KAZN: variants seen among roughly 807,000 people sequenced by gnomAD.
KAZN encodes the protein kazrin.
Under a neutral mutation model 87.4 loss-of-function variants are expected in KAZN, and 40 were observed. The observed-to-expected ratio is 0.46, with a 90% confidence interval of 0.36 to 0.60. The LOEUF is 0.60. KAZN is among the 20% of genes least tolerant of loss of function. KAZN has a pLI of 0.00. For missense variants in KAZN, 898 were observed against 1,073.9 expected, an observed-to-expected ratio of 0.84 and a Z score of 2.29; for synonymous variants, 466 against 458.3, an observed-to-expected ratio of 1.02 and a Z score of -0.22.
chr1:15,092,836 T>C (rs891040918), intron 8 of KAZN, among the ~76,000 whole-genome samples: 1 of 152,166 alleles, frequency 6.6e-6, no homozygotes, highest in Admixed American at 6.5e-5. Context: ...ATTGAGTCTC[T>C]GTAACCTGAA....
At chr1:14,882,793 GA>G (rs1211823170) in intron 1 of KAZN, among the ~76,000 whole-genome samples, 1 of 152,080 alleles carries the variant, frequency 6.6e-6, no homozygotes, top group Non-Finnish European at 1.5e-5. Flanking sequence ...GCTGTTCTAA[GA>G]CCTTTCCATG....
At chr1:14,487,319 G>T (rs1314979065) in intron 2 of KAZN, among the ~76,000 whole-genome samples, 2 of 152,184 alleles carry the variant, frequency 1.3e-5, no homozygotes, top group Non-Finnish European at 2.9e-5. Flanking sequence ...CAATATGTAA[G>T]CATACTTTAT....
chr1:14,062,343 A>G (rs1400553667), intron 1 of KAZN, among the ~76,000 whole-genome samples: 2 of 152,178 alleles, frequency 1.3e-5, no homozygotes, highest in Admixed American at 6.5e-5. Context: ...AAGGCTTAAT[A>G]AGGAGAATCA....
rs70997121 is a variant in KAZN at position 14,205,884 on chromosome 1, C to CAAAAAAAAAAAAAAAAAAAAAAAAA, written c.249+25314_249+25315insAAAAAAAAAAAAAAAAAAAAAAAAA. Among the ~76,000 whole-genome samples, 6 of 35,214 alleles carry CAAAAAAAAAAAAAAAAAAAAAAAAA rather than the reference C, an allele frequency of 1.7e-4. 3 individuals carry two copies. Among genetic ancestry groups the CAAAAAAAAAAAAAAAAAAAAAAAAA allele is most frequent in the East Asian group, 1.9e-3 (2 of 1,070 alleles). The allele number at this position is 35,214 out of a possible 152,430, so 23.1% of individuals were successfully genotyped here. On this transcript the variant is annotated intron_variant, in intron 2 of 16. Coordinates refer to the KAZN transcript ENST00000636203. ...CAGGCGACAGAGCAAGACACTGTCT[C>CAAAAAAAAAAAAAAAAAAAAAAAAA]AAAAAAAAAAAAAAAAAAAAAAGCT...
chr1:14,938,327 A>G (rs770498772), intron 1 of KAZN, among the ~76,000 whole-genome samples: 13 of 152,324 alleles, frequency 8.5e-5, no homozygotes, highest in Non-Finnish European at 1.6e-4. Flanking sequence ...GGATCACCTG[A>G]GGTCAGGAGT....
At chr1:14,440,273 G>A (rs147426653) in intron 2 of KAZN, among the ~76,000 whole-genome samples, 2 of 152,170 alleles carry the variant, frequency 1.3e-5, no homozygotes, top group East Asian at 1.9e-4. Context: ...GAGACTGCCC[G>A]CAACTCCTCT....
At chr1:14,451,726 G>A (rs1179424134) in intron 2 of KAZN, among the ~76,000 whole-genome samples, 1 of 152,126 alleles carries the variant, frequency 6.6e-6, no homozygotes, top group Non-Finnish European at 1.5e-5. Context: ...AGAGTGGGCG[G>A]TATAGTTCCA....
chr1:14,223,401 G>T (rs559408982), intron 2 of KAZN, among the ~76,000 whole-genome samples: 37 of 152,232 alleles, frequency 2.4e-4, no homozygotes, highest in African/African-American at 8.7e-4. Flanking sequence ...TGTCTATTTT[G>T]GGTCTGTGTA....
intron 1 of KAZN, among the ~76,000 whole-genome samples, chr1:14,834,399 T>C (rs1647154871): frequency 7.1e-6 from 1 of 140,752 alleles, no homozygotes; most frequent in South Asian, 2.3e-4. Context: ...TCTCGCTCTG[T>C]CACCCAGGCT....
intron 1 of KAZN, among the ~76,000 whole-genome samples, chr1:14,671,164 C>A (rs1639893599): frequency 6.6e-6 from 1 of 152,116 alleles, no homozygotes; most frequent in South Asian, 2.1e-4. Context: ...GGGCTGTTGT[C>A]CAATATTTGG....
intron 1 of KAZN, among the ~76,000 whole-genome samples, chr1:14,927,595 TA>T (rs1231384099): frequency 1.3e-5 from 2 of 152,168 alleles, no homozygotes; most frequent in Non-Finnish European, 2.9e-5. Context: ...GCCGATCAGC[TA>T]AAGGAACTAA....
intron 1 of KAZN, among the ~76,000 whole-genome samples, chr1:14,733,242 C>T (rs1257406411): frequency 2.0e-5 from 3 of 152,056 alleles, no homozygotes; most frequent in South Asian, 2.1e-4. Context: ...CGCATGTTCC[C>T]GGCAGCCTGT....
intron 1 of KAZN, among the ~76,000 whole-genome samples, chr1:14,793,752 T>C (rs1645749654): frequency 6.6e-6 from 1 of 151,142 alleles, no homozygotes; most frequent in South Asian, 2.1e-4. Flanking sequence ...TTCTTCCTGC[T>C]CAGAGCTTTC....
chr1:14,645,615 G>A (rs1203799033), intron 1 of KAZN, among the ~76,000 whole-genome samples: 6 of 152,188 alleles, frequency 3.9e-5, no homozygotes, highest in East Asian at 3.9e-4. Context: ...AAACTTTGCT[G>A]AAGTTGTTTA....
At chr1:14,201,283 CAA>C (rs1557556298) in intron 2 of KAZN, among the ~76,000 whole-genome samples, 1 of 152,198 alleles carries the variant, frequency 6.6e-6, no homozygotes, top group African/African-American at 2.4e-5. Flanking sequence ...AACTCCAACT[CAA>C]AGTTTCTCTC....
intron 1 of KAZN, among the ~76,000 whole-genome samples, chr1:14,901,181 A>C (rs559821196): frequency 1.3e-5 from 2 of 152,254 alleles, no homozygotes; most frequent in African/African-American, 4.8e-5. Flanking sequence ...GGTGCTGGGG[A>C]AGGTCCCCTG....
intron 1 of KAZN, among the ~76,000 whole-genome samples, chr1:14,033,636 A>T (rs1641420277): frequency 6.6e-6 from 1 of 152,030 alleles, no homozygotes; most frequent in Non-Finnish European, 1.5e-5. Context: ...AGGTGTGCTC[A>T]CTCCTTCTTA....
intron 1 of KAZN, among the ~76,000 whole-genome samples, chr1:14,114,022 G>T (rs1644556178): frequency 6.6e-6 from 1 of 152,196 alleles, no homozygotes; most frequent in African/African-American, 2.4e-5. Context: ...CAAACGTCCA[G>T]GGGAGGGCAC....
chr1:14,254,826 TGAAAG>T (rs896500858), intron 2 of KAZN, among the ~76,000 whole-genome samples: 1 of 151,948 alleles, frequency 6.6e-6, no homozygotes, highest in African/African-American at 2.4e-5. Context: ...TGGCAGAAGT[TGAAAG>T]GAGAAGCCAG....
Sources: allele counts gnomAD v4.1 joint callset (sites outside exome capture counted in the v4.1 genomes callset), GRCh38; gene constraint gnomAD v4.1.1; transcripts MANE v1.5; gene names NCBI Gene and HGNC (gene_info 2026-07-23, HGNC 2026-07-21).